NPEPPS: variants seen among roughly 807,000 people sequenced by gnomAD.
The protein encoded by NPEPPS is aminopeptidase puromycin sensitive.
Under a neutral mutation model 115.5 loss-of-function variants are expected in NPEPPS, and 14 were observed. The ratio of observed to expected loss-of-function variants is 0.12; its 90% CI spans 0.08 to 0.19. NPEPPS has a LOEUF of 0.19. Among genes scored for constraint, NPEPPS ranks in the 10% least tolerant of loss-of-function variants. The pLI is 1.00. For missense variants in NPEPPS, 523 were observed against 1,110.8 expected, an observed-to-expected ratio of 0.47 and a Z score of 7.52; for synonymous variants, 285 against 390.6, an observed-to-expected ratio of 0.73 and a Z score of 3.19.
intron 3 of NPEPPS, among the ~76,000 whole-genome samples, chr17:47,571,489 C>T (rs1243096264): frequency 3.9e-5 from 6 of 152,080 alleles, no homozygotes; most frequent in Non-Finnish European, 8.8e-5. Flanking sequence ...GAGGCCGAGG[C>T]GGGTGGATCA....
intron 1 of NPEPPS, among the ~76,000 whole-genome samples, chr17:47,533,114 A>T (rs1907943654): frequency 6.6e-6 from 1 of 152,122 alleles, no homozygotes; most frequent in Non-Finnish European, 1.5e-5. Flanking sequence ...CTCAGATTAA[A>T]AATATGTCTA....
chr17:47,596,330 G>T, intron 12 of NPEPPS, 23 bp from the exon 13 acceptor site: 1 of 1,350,066 alleles, frequency 7.4e-7, no homozygotes, highest in Non-Finnish European at 1.0e-6. Flanking sequence ...AAACATTTTA[G>T]ATTATCATTG....
At chr17:47,530,550 G>C (rs1434447996), upstream of NPEPPS, among the ~76,000 whole-genome samples, 3 of 150,962 alleles carry the variant, frequency 2.0e-5, no homozygotes, top group African/African-American at 7.3e-5. Flanking sequence ...TAGAGACGGG[G>C]TTTCACCATG....
intron 17 of NPEPPS, among the ~76,000 whole-genome samples, chr17:47,610,361 T>C (rs1452656310): frequency 3.3e-5 from 5 of 152,082 alleles, no homozygotes; most frequent in Non-Finnish European, 7.3e-5. Context: ...ATCTATGTTG[T>C]AGCATGTATC....
chr17:47,559,806 T>C, intron 2 of NPEPPS: 1 of 362,998 alleles, frequency 2.8e-6, no homozygotes, highest in South Asian at 2.1e-5. Context: ...CTCACTGTGC[T>C]ACCTAGATAG....
At chr17:47,611,472 A>G (rs546697330) in intron 17 of NPEPPS, among the ~76,000 whole-genome samples, 2 of 151,474 alleles carry the variant, frequency 1.3e-5, no homozygotes, top group East Asian at 4.0e-4. Context: ...AAAAAAAAAA[A>G]AAGAGACAAG....
At chr17:47,550,021 G>A (rs1232944943) in intron 2 of NPEPPS, among the ~76,000 whole-genome samples, 3 of 141,258 alleles carry the variant, frequency 2.1e-5, no homozygotes, top group Admixed American at 7.2e-5. Context: ...TGCAAGCTCT[G>A]CCTCCCGGGT....
chr17:47,539,026 A>T (rs1479430862), intron 1 of NPEPPS, among the ~76,000 whole-genome samples: 2 of 150,148 alleles, frequency 1.3e-5, no homozygotes, highest in Admixed American at 6.6e-5. Context: ...AGTTTGTTGG[A>T]TTCTCTTCTG....
intron 13 of NPEPPS, among the ~76,000 whole-genome samples, chr17:47,597,905 CAGTT>C (rs1597875985): frequency 2.0e-5 from 3 of 152,184 alleles, no homozygotes; most frequent in Non-Finnish European, 2.9e-5. Context: ...GAGGACCTCT[CAGTT>C]AGATTGGCTG....
chr17:47,612,407 T>C, intron 17 of NPEPPS, 53 bp from the exon 18 acceptor site: 1 of 1,589,986 alleles, frequency 6.3e-7, no homozygotes, highest in Non-Finnish European at 8.6e-7. Flanking sequence ...ATGGCAAACT[T>C]ATAAAAATAG....
intron 3 of NPEPPS, among the ~76,000 whole-genome samples, chr17:47,576,033 G>A (rs1473830019): frequency 6.6e-6 from 1 of 152,162 alleles, no homozygotes; most frequent in East Asian, 1.9e-4. Context: ...TGATAATGAA[G>A]CAAATACTGA....
chr17:47,555,981 CTTTTTTTTTT>C (rs886460288), intron 2 of NPEPPS, among the ~76,000 whole-genome samples: 31 of 63,068 alleles, frequency 4.9e-4, no homozygotes, highest in Non-Finnish European at 4.9e-4. Context: ...TTCTGTTTTA[CTTTTTTTTTT>C]TTTTTTTTTT....
chr17:47,610,400 G>A (rs144062632), intron 17 of NPEPPS, among the ~76,000 whole-genome samples: 11 of 151,158 alleles, frequency 7.3e-5, no homozygotes, highest in South Asian at 4.2e-4. Flanking sequence ...TTTTTGGGGG[G>A]GGGTAACAGA....
chr17:47,622,170 T>G lies in NPEPPS; in HGVS notation c.*250T>G. ...AATATGATAGTAATAAAATAGAGCA[T>G]AACGAAACTGTGAAACTTTCTGAAG... On this transcript the variant is annotated 3_prime_UTR_variant, in exon 23 of 23. Coordinates refer to ENST00000322157, the MANE Select transcript of NPEPPS (RefSeq NM_006310.4). 1.0e-6 allele frequency: 1 copy of G among 984,710 alleles called. No individual in the cohort carries two copies. The highest frequency in any genetic ancestry group is 1.3e-6 in the Non-Finnish European group (1 of 784,074). 61.0% of individuals were successfully genotyped at this position (984,710 alleles called of 1,614,324 possible).
At chr17:47,563,133 G>A (rs1324199407) in intron 2 of NPEPPS, among the ~76,000 whole-genome samples, 2 of 151,634 alleles carry the variant, frequency 1.3e-5, no homozygotes, top group East Asian at 3.9e-4. Flanking sequence ...CCCGTTTCAA[G>A]CGATTCTCCT....
At chr17:47,540,060 C>T (rs571485141) in intron 1 of NPEPPS, among the ~76,000 whole-genome samples, 2 of 152,314 alleles carry the variant, frequency 1.3e-5, no homozygotes, top group South Asian at 4.1e-4. Flanking sequence ...AAGACTCATT[C>T]AGGAAAATGT....
At chr17:47,530,477 C>G (rs541774116), upstream of NPEPPS, among the ~76,000 whole-genome samples, 4 of 150,470 alleles carry the variant, frequency 2.7e-5, no homozygotes, top group East Asian at 7.9e-4. Flanking sequence ...CTGCCTCAGC[C>G]TCCTGAGTAG....
At chr17:47,563,034 G>GTTT (rs201468395) in intron 2 of NPEPPS, among the ~76,000 whole-genome samples, 1 of 143,970 alleles carries the variant, frequency 6.9e-6, no homozygotes, top group Admixed American at 7.1e-5. Context: ...TTGTTTGTTT[G>GTTT]TTTTGTTTTT....
chr17:47,618,548 T>C (rs3760371), intron 20 of NPEPPS, 91 bp downstream of exon 20: 364,287 of 868,490 alleles, frequency 0.42, 77,954 homozygotes, highest in Admixed American at 0.5. Context: ...TTGAGCTGCC[T>C]TAACCCTAAC....
Sources: gnomAD v4.1 joint callset for allele counts (sites outside exome capture counted in the v4.1 genomes callset) on GRCh38, gnomAD v4.1.1 for gene constraint, MANE v1.5 for transcripts, NCBI Gene and HGNC (gene_info 2026-07-23, HGNC 2026-07-21) for gene names.